Variants in ERC1 observed in about 807,000 individuals in gnomAD.
ERC1 encodes RAB6 interacting protein 2.
Under a neutral mutation model 132.0 loss-of-function variants are expected in ERC1, and 56 were observed. The ratio of observed to expected loss-of-function variants is 0.42; its 90% CI spans 0.34 to 0.53. The LOEUF (loss-of-function observed/expected upper bound fraction) is 0.53. ERC1 is among the 20% of genes least tolerant of loss of function. ERC1 has a pLI of 0.03. For missense variants in ERC1, 1,202 were observed against 1,349.9 expected, an observed-to-expected ratio of 0.89 and a Z score of 1.72; for synonymous variants, 478 against 476.1, an observed-to-expected ratio of 1.00 and a Z score of -0.05.
At chr12:1,034,360 G>A (rs1009398691) in intron 2 of ERC1, among the ~76,000 whole-genome samples, 18 of 151,932 alleles carry the variant, frequency 1.2e-4, no homozygotes, top group African/African-American at 3.6e-4. Context: ...AGAATCCCTC[G>A]AGTCCAGGAG....
intron 2 of ERC1, among the ~76,000 whole-genome samples, chr12:1,058,792 T>TTG (rs1311882270): frequency 1.3e-5 from 2 of 149,758 alleles, no homozygotes; most frequent in African/African-American, 2.5e-5. Context: ...AAAGTATGTT[T>TTG]TTTTTTTTTT....
chr12:1,133,119 A>G (rs894802866), intron 7 of ERC1, among the ~76,000 whole-genome samples: 3 of 151,392 alleles, frequency 2.0e-5, no homozygotes, highest in African/African-American at 7.3e-5. Flanking sequence ...CGGCCTCCCA[A>G]AGTGCTGGGA....
intron 2 of ERC1, among the ~76,000 whole-genome samples, chr12:1,069,570 T>C (rs1939940499): frequency 6.6e-6 from 1 of 152,198 alleles, no homozygotes; most frequent in African/African-American, 2.4e-5. Context: ...GATACATTGA[T>C]ATTATTCGTA....
intron 15 of ERC1, among the ~76,000 whole-genome samples, chr12:1,308,800 C>CTGTG (rs753620537): frequency 6.6e-6 from 1 of 152,206 alleles, no homozygotes; most frequent in Non-Finnish European, 1.5e-5. Context: ...CAGAACTGTG[C>CTGTG]TGTGCTTTTA....
At chr12:1,057,339 G>A (rs193123635) in intron 2 of ERC1, among the ~76,000 whole-genome samples, 45 of 152,072 alleles carry the variant, frequency 3.0e-4, no homozygotes, top group African/African-American at 1.0e-3. Flanking sequence ...GGCCAGGGTG[G>A]TCTCAAACTC....
At chr12:1,320,309 A>G (rs1012149186) in intron 15 of ERC1, among the ~76,000 whole-genome samples, 2 of 152,226 alleles carry the variant, frequency 1.3e-5, no homozygotes, top group African/African-American at 4.8e-5. Flanking sequence ...GCTCTACCCC[A>G]CATGTGCTCT....
intron 8 of ERC1, among the ~76,000 whole-genome samples, chr12:1,176,423 C>T (rs1267770424): frequency 6.6e-6 from 1 of 152,108 alleles, no homozygotes; most frequent in East Asian, 1.9e-4. Flanking sequence ...ATTTATAAAG[C>T]ATAGGCAGAG....
intron 16 of ERC1, among the ~76,000 whole-genome samples, chr12:1,378,699 C>A (rs942473037): frequency 6.6e-6 from 1 of 152,162 alleles, no homozygotes; most frequent in Non-Finnish European, 1.5e-5. Flanking sequence ...TAACTACTTT[C>A]TACAGCAGTC....
In ERC1 at chr12:1,231,606, A is replaced by G. The variant is rs909308501; in HGVS notation, c.2352-5163A>G. On this transcript the variant is annotated intron_variant, in intron 12 of 18. Coordinates refer to ENST00000360905, the MANE Select transcript of ERC1 (RefSeq NM_178040.4). ...TTTCTTATAAGGCAGGTCTAGTGCG[A>G]TGAACTCTGTCAGCTTTTGTTTGTC... Among the ~76,000 whole-genome samples, 6 of 151,250 alleles carry G rather than the reference A, an allele frequency of 4.0e-5. 1 individual carries two copies. Among genetic ancestry groups the G allele is most frequent in the African/African-American group, 4.8e-5 (2 of 41,260 alleles).
chr12:996,222 A>T (rs1439792735), intron 1 of ERC1, among the ~76,000 whole-genome samples: 1 of 137,234 alleles, frequency 7.3e-6, no homozygotes, highest in African/African-American at 2.7e-5. Flanking sequence ...AGTAGCTGGG[A>T]CTACAGGTGC....
At chr12:1,131,423 A>C (rs911570576) in intron 7 of ERC1, among the ~76,000 whole-genome samples, 2 of 152,212 alleles carry the variant, frequency 1.3e-5, no homozygotes, top group African/African-American at 4.8e-5. Flanking sequence ...AGATCTGTTT[A>C]TTGATTTAAA....
At chr12:1,141,090 T>G (rs1247763587) in intron 7 of ERC1, among the ~76,000 whole-genome samples, 30 of 152,198 alleles carry the variant, frequency 2.0e-4, no homozygotes, top group Admixed American at 2.0e-3. Flanking sequence ...ACTTCAGGGA[T>G]AAAGGTAACT....
chr12:1,076,391 C>CT (rs1941342675), intron 2 of ERC1, among the ~76,000 whole-genome samples: 5 of 127,428 alleles, frequency 3.9e-5, no homozygotes, highest in Non-Finnish European at 3.5e-5. Flanking sequence ...TTTTTTTTTT[C>CT]TTTTTCTTTT....
intron 1 of ERC1, among the ~76,000 whole-genome samples, chr12:1,019,418 C>T (rs1965996207): frequency 6.6e-6 from 1 of 152,202 alleles, no homozygotes; most frequent in African/African-American, 2.4e-5. Flanking sequence ...AGCCACCGTG[C>T]CCAGCCAAGA....
At chr12:1,255,108 C>G (rs7952832) in intron 13 of ERC1, among the ~76,000 whole-genome samples, 32,056 of 151,746 alleles carry the variant, frequency 0.21, 3,703 homozygotes, top group Non-Finnish European at 0.26. Flanking sequence ...CCAAACCCCC[C>G]CAACAGGCCC....
chr12:1,199,196 A>G (rs182075781), intron 12 of ERC1, among the ~76,000 whole-genome samples: 248 of 147,300 alleles, frequency 1.7e-3, no homozygotes, highest in African/African-American at 5.9e-3. Context: ...AACACTGGGG[A>G]TCACAATTCA....
At chr12:1,394,183 G>A (rs185489004) in intron 16 of ERC1, among the ~76,000 whole-genome samples, 232 of 151,772 alleles carry the variant, frequency 1.5e-3, no homozygotes, top group East Asian at 4.9e-3. Flanking sequence ...GGCAGATCAC[G>A]AGGTCAGGAG....
rs138108790 is a variant in ERC1 at position 1,432,098 on chromosome 12, C to T, written c.3025-12464C>T. ...CTCTGTGTTTTGCCCAGGTTGGTCT[C>T]GAACTCCTGAGCTCAAGCAGTCCTC... On this transcript the variant is annotated intron_variant, in intron 17 of 18. Transcript: ENST00000360905. Among the ~76,000 whole-genome samples the T allele has an allele frequency of 2.8e-3, 433 of 152,202 alleles. 2 individuals are homozygous for T. Among genetic ancestry groups the T allele is most frequent in the African/African-American group, 9.6e-3 (399 of 41,512 alleles).
chr12:1,114,156 T>C (rs2154209156), intron 6 of ERC1, among the ~76,000 whole-genome samples: 1 of 152,250 alleles, frequency 6.6e-6, no homozygotes, highest in African/African-American at 2.4e-5. Context: ...CCTGAGTAGC[T>C]GGGATTACAG....
Sources: gnomAD v4.1 joint callset for allele counts (sites outside exome capture counted in the v4.1 genomes callset) on GRCh38, gnomAD v4.1.1 for gene constraint, MANE v1.5 for transcripts, NCBI Gene and HGNC (gene_info 2026-07-23, HGNC 2026-07-21) for gene names.